The following GRIP1 variants were observed in gnomAD, a reference collection of about 807,000 sequenced individuals.
GRIP1 encodes glutamate receptor interacting protein 1.
Under a neutral mutation model 129.9 loss-of-function variants are expected in GRIP1, and 45 were observed. The observed-to-expected ratio is 0.35, with a 90% CI of 0.27 to 0.44. GRIP1 has a LOEUF of 0.44. GRIP1 is among the 20% of genes least tolerant of loss of function. GRIP1 has a pLI of 1.00. For missense variants in GRIP1, 1,196 were observed against 1,396.8 expected (o/e 0.86, Z 2.29); for synonymous variants, 530 against 520.8 (o/e 1.02, Z -0.24).
intron 19 of GRIP1, among the ~76,000 whole-genome samples, chr12:66,386,059 T>A (rs1331926878): frequency 6.6e-6 from 1 of 152,230 alleles, no homozygotes; most frequent in African/African-American, 2.4e-5. Flanking sequence ...GTTTTATTTA[T>A]TTGCATAATG....
chr12:66,878,969 C>T (rs2137182134), intron 1 of GRIP1, among the ~76,000 whole-genome samples: 1 of 151,776 alleles, frequency 6.6e-6, no homozygotes, highest in Non-Finnish European at 1.5e-5. Flanking sequence ...AATATGGACA[C>T]TGATTTGAGG....
chr12:66,684,130 G>A (rs1327159166), upstream of GRIP1, among the ~76,000 whole-genome samples: 2 of 152,188 alleles, frequency 1.3e-5, no homozygotes, highest in East Asian at 1.9e-4. Flanking sequence ...ACAGAGAGCA[G>A]TAACAGCTTT....
intron 1 of GRIP1, among the ~76,000 whole-genome samples, chr12:66,911,958 C>A (rs2041037370): frequency 6.6e-6 from 1 of 152,126 alleles, no homozygotes; most frequent in Admixed American, 6.6e-5. Flanking sequence ...AAACCTGCAT[C>A]TTCAGCTTAC....
rs75059461 is a variant in GRIP1 at position 66,502,212 on chromosome 12, G to A, written c.724+13407C>T. On this transcript the variant is annotated intron_variant, in intron 7 of 24. Coordinates refer to ENST00000359742, the MANE Select transcript of GRIP1 (RefSeq NM_001366722.1). Reference sequence around the variant, plus strand: ...GGTCTCCTTATGTTACGAGTTAGGAGTAGTGGCCCAAAGATTTTTAAAAAA... The same window carrying A: ...GGTCTCCTTATGTTACGAGTTAGGAATAGTGGCCCAAAGATTTTTAAAAAA... Among the ~76,000 whole-genome samples, 109 of 152,226 alleles carry A rather than the reference G, an allele frequency of 7.2e-4. 2 individuals are homozygous for A. In the East Asian group the frequency reaches 0.017, roughly 23 times the overall value.
At chr12:66,496,050 C>A (rs1171016522) in intron 7 of GRIP1, among the ~76,000 whole-genome samples, 1 of 152,170 alleles carries the variant, frequency 6.6e-6, no homozygotes, top group Non-Finnish European at 1.5e-5. Flanking sequence ...CACTCCTTTC[C>A]ACTCTCTGAA....
At chr12:66,506,929 CT>C (rs1024004253) in intron 7 of GRIP1, among the ~76,000 whole-genome samples, 3 of 151,754 alleles carry the variant, frequency 2.0e-5, no homozygotes, top group Non-Finnish European at 2.9e-5. Flanking sequence ...CAATTTTTAT[CT>C]TAGAAAAATA....
At chr12:66,841,968 G>A (rs746617322) in intron 1 of GRIP1, among the ~76,000 whole-genome samples, 2 of 151,968 alleles carry the variant, frequency 1.3e-5, no homozygotes, top group African/African-American at 2.4e-5. Flanking sequence ...CATAACCCTG[G>A]CTATTTTCAC....
At chr12:66,732,379 C>T (rs1344867901) in intron 1 of GRIP1, among the ~76,000 whole-genome samples, 1 of 152,066 alleles carries the variant, frequency 6.6e-6, no homozygotes, top group South Asian at 2.1e-4. Flanking sequence ...TAGTGAGACC[C>T]TGTTTCTAAA....
chr12:66,756,766 G>C (rs1388409040), intron 1 of GRIP1, among the ~76,000 whole-genome samples: 1 of 152,116 alleles, frequency 6.6e-6, no homozygotes, highest in Non-Finnish European at 1.5e-5. Context: ...ATTACCAGAT[G>C]ACAACTGAGA....
intron 15 of GRIP1, among the ~76,000 whole-genome samples, chr12:66,414,695 A>G (rs1565715005): frequency 6.6e-6 from 1 of 152,046 alleles, no homozygotes; most frequent in Non-Finnish European, 1.5e-5. Flanking sequence ...ACTTCAAACT[A>G]TACTACAAGG....
At chr12:66,464,185 A>G (rs923902747) in intron 8 of GRIP1, among the ~76,000 whole-genome samples, 3 of 152,220 alleles carry the variant, frequency 2.0e-5, no homozygotes, top group East Asian at 1.9e-4. Context: ...ATTTCAAGTC[A>G]TATCTTCCAA....
chr12:66,521,547 A>G (rs2061002895), intron 5 of GRIP1, among the ~76,000 whole-genome samples: 1 of 152,252 alleles, frequency 6.6e-6, no homozygotes. Flanking sequence ...AAATAGGAAC[A>G]GCTCCAGTCT....
chr12:66,736,197 G>T (rs937893589), intron 1 of GRIP1, among the ~76,000 whole-genome samples: 2 of 151,838 alleles, frequency 1.3e-5, no homozygotes, highest in African/African-American at 4.8e-5. Flanking sequence ...ACAGGGTCTT[G>T]CTCTGTTGCC....
At chr12:66,466,889 T>C (rs1671784923) in intron 7 of GRIP1, among the ~76,000 whole-genome samples, 1 of 152,110 alleles carries the variant, frequency 6.6e-6, no homozygotes. Context: ...TCAGATATAG[T>C]GAAATAGGAA....
intron 1 of GRIP1, among the ~76,000 whole-genome samples, chr12:66,902,475 C>T (rs2040859332): frequency 6.6e-6 from 1 of 152,136 alleles, no homozygotes; most frequent in East Asian, 1.9e-4. Flanking sequence ...CTTCAAATCT[C>T]AGATCAGCTG....
intron 1 of GRIP1, among the ~76,000 whole-genome samples, chr12:66,645,360 G>A (rs993873705): frequency 3.9e-5 from 6 of 152,268 alleles, no homozygotes; most frequent in East Asian, 3.9e-4. Context: ...TCTTCACTGC[G>A]CTACAGAAAG....
At chr12:66,936,298 C>T (rs2041483023) in intron 1 of GRIP1, among the ~76,000 whole-genome samples, 1 of 152,004 alleles carries the variant, frequency 6.6e-6, no homozygotes, top group African/African-American at 2.4e-5. Context: ...TGGTGGCATT[C>T]ACCTGTAGTC....
chr12:66,578,825 G>A (rs1001171520), intron 2 of GRIP1, among the ~76,000 whole-genome samples: 2 of 152,202 alleles, frequency 1.3e-5, no homozygotes, highest in African/African-American at 4.8e-5. Context: ...CACCTCTCGG[G>A]GCAGGGCACA....
At chr12:66,507,421 GA>G (rs947792904) in intron 7 of GRIP1, among the ~76,000 whole-genome samples, 1 of 149,552 alleles carries the variant, frequency 6.7e-6, no homozygotes, top group Non-Finnish European at 1.5e-5. Context: ...CTGGGTGAAA[GA>G]GCGAGACTCC....
Sources: gnomAD v4.1 joint callset for allele counts (sites outside exome capture counted in the v4.1 genomes callset) on GRCh38, gnomAD v4.1.1 for gene constraint, MANE v1.5 for transcripts, NCBI Gene and HGNC (gene_info 2026-07-23, HGNC 2026-07-21) for gene names.